Variants in UBAC2 observed in about 807,000 individuals in gnomAD.
UBAC2 encodes the protein ubiquitin-associated domain-containing protein 2.
A neutral mutation model predicts 44.0 loss-of-function variants in UBAC2; 26 were observed. The ratio of observed to expected loss-of-function variants is 0.59; its 90% confidence interval spans 0.43 to 0.82. The LOEUF is 0.82. UBAC2 is among the 40% of genes least tolerant of loss of function. UBAC2 has a pLI of 0.00. For missense variants in UBAC2, 329 were observed against 419.4 expected (o/e 0.78, Z 1.88); for synonymous variants, 155 against 154.3 (o/e 1.00, Z -0.04).
At chr13:99,359,534 T>C (rs532007560) in intron 7 of UBAC2, among the ~76,000 whole-genome samples, 3 of 152,310 alleles carry the variant, frequency 2.0e-5, no homozygotes, top group Admixed American at 2.0e-4. Flanking sequence ...AAGTATTTCC[T>C]TATGGCCTGG....
intron 4 of UBAC2, chr13:99,254,848 A>G (rs1346177043): frequency 1.3e-6 from 2 of 1,560,694 alleles, no homozygotes; most frequent in South Asian, 2.4e-5. Context: ...GTGAATTTTG[A>G]TGGGATTGAA....
intron 1 of UBAC2, among the ~76,000 whole-genome samples, chr13:99,208,530 A>T (rs976152531): frequency 6.6e-6 from 1 of 152,238 alleles, no homozygotes; most frequent in African/African-American, 2.4e-5. Flanking sequence ...CCATTTAAAA[A>T]TTAAAAGTGT....
At chr13:99,209,168 G>A (rs189504781) in intron 1 of UBAC2, among the ~76,000 whole-genome samples, 3 of 152,290 alleles carry the variant, frequency 2.0e-5, no homozygotes, top group African/African-American at 7.2e-5. Flanking sequence ...TACCCTTGCT[G>A]GTCACAGATT....
intron 4 of UBAC2, among the ~76,000 whole-genome samples, chr13:99,257,953 TA>T (rs1288078287): frequency 2.6e-5 from 4 of 152,234 alleles, no homozygotes; most frequent in Admixed American, 6.5e-5. Flanking sequence ...TAATTAAATA[TA>T]TTTTTTTAAT....
At chr13:99,378,268 T>C (rs2045507510) in intron 8 of UBAC2, among the ~76,000 whole-genome samples, 2 of 152,240 alleles carry the variant, frequency 1.3e-5, no homozygotes, top group South Asian at 2.1e-4. Context: ...GGCTCATGCC[T>C]GTAATTCCAG....
At chr13:99,312,059 C>G (rs866873874) in intron 4 of UBAC2, among the ~76,000 whole-genome samples, 1 of 152,230 alleles carries the variant, frequency 6.6e-6, no homozygotes, top group Non-Finnish European at 1.5e-5. Flanking sequence ...CTAGCATTTG[C>G]TGCGTTTGTG....
At chr13:99,317,068 T>G (rs2044502105) in intron 5 of UBAC2, among the ~76,000 whole-genome samples, 1 of 152,256 alleles carries the variant, frequency 6.6e-6, no homozygotes, top group Non-Finnish European at 1.5e-5. Flanking sequence ...TGCTCATTTC[T>G]AACTGAGCCT....
chr13:99,330,351 C>T (rs1594134007), intron 6 of UBAC2, among the ~76,000 whole-genome samples: 1 of 146,626 alleles, frequency 6.8e-6, no homozygotes, highest in African/African-American at 2.5e-5. Context: ...CCCAGCTATT[C>T]AGGAGGCTGA....
At position 99,255,511 on chromosome 13, in the gene UBAC2, A is replaced by G. The variant is rs2043535491; in HGVS notation, c.389+10887A>G. The G allele has an allele frequency of 5.6e-6, 9 of 1,614,012 alleles. No individual in the cohort carries two copies. In the South Asian group the frequency reaches 7.7e-5, roughly 14 times the overall value. ...GGCGTACTTCGGCTGTACAATGGCC[A>G]TGTATCTGTCAGCACTAATAAAGGC... On this transcript the variant is annotated intron_variant, in intron 4 of 8. Transcript: ENST00000403766.
intron 1 of UBAC2, among the ~76,000 whole-genome samples, chr13:99,219,663 G>C (rs1310325064): frequency 6.6e-6 from 1 of 152,132 alleles, no homozygotes; most frequent in Non-Finnish European, 1.5e-5. Flanking sequence ...TTCTTTTCCA[G>C]TGTGGCCCAG....
At chr13:99,311,904 C>T (rs2044415632) in intron 4 of UBAC2, among the ~76,000 whole-genome samples, 1 of 152,184 alleles carries the variant, frequency 6.6e-6, no homozygotes, top group Non-Finnish European at 1.5e-5. Flanking sequence ...GGGTAGGAAC[C>T]CGCTGTGCCG....
intron 7 of UBAC2, among the ~76,000 whole-genome samples, chr13:99,346,868 G>GA (rs1320034252): frequency 6.6e-6 from 1 of 152,160 alleles, no homozygotes; most frequent in Admixed American, 6.5e-5. Context: ...TCCAGTGTGT[G>GA]AATAATGCCT....
intron 4 of UBAC2, among the ~76,000 whole-genome samples, chr13:99,245,729 G>A (rs2142743801): frequency 6.6e-6 from 1 of 152,312 alleles, no homozygotes; most frequent in East Asian, 1.9e-4. Flanking sequence ...CAGCTGCTCA[G>A]GAGGCTGAGG....
intron 4 of UBAC2, among the ~76,000 whole-genome samples, chr13:99,303,101 G>A (rs866944043): frequency 6.6e-6 from 1 of 152,208 alleles, no homozygotes. Context: ...TCTGTGACCA[G>A]CCTGCCAACC....
intron 8 of UBAC2, among the ~76,000 whole-genome samples, chr13:99,383,847 G>A (rs987117168): frequency 1.3e-5 from 2 of 152,356 alleles, no homozygotes; most frequent in South Asian, 2.1e-4. Context: ...GGGGGAGGAG[G>A]GTCTGGGTGT....
chr13:99,300,235 T>G (rs908101556), intron 4 of UBAC2, among the ~76,000 whole-genome samples: 2 of 152,194 alleles, frequency 1.3e-5, no homozygotes, highest in African/African-American at 4.8e-5. Context: ...CTGACGACCG[T>G]TGTGCACTGG....
At chr13:99,368,206 G>A (rs547252182) in intron 8 of UBAC2, among the ~76,000 whole-genome samples, 10 of 152,266 alleles carry the variant, frequency 6.6e-5, no homozygotes, top group South Asian at 4.1e-4. Context: ...GTGAAGGATC[G>A]GGGACAAGGA....
chr13:99,211,227 C>T lies in UBAC2; in HGVS notation c.31+10288C>T, dbSNP rs924805753. Among the ~76,000 whole-genome samples, 11 of 152,222 alleles carry T rather than the reference C, an allele frequency of 7.2e-5. No homozygotes were observed. The East Asian group carries it at 2.1e-3, about 29-fold the overall frequency. On this transcript the variant is annotated intron_variant, in intron 1 of 8. Transcript: ENST00000403766. ...TTATTTTTCCCCTCCACAAACGAGT[C>T]TTTTCACGCTCAGAAAATGATTTGT...
At chr13:99,330,458 C>CAAA (rs59409181) in intron 6 of UBAC2, among the ~76,000 whole-genome samples, 694 of 46,004 alleles carry the variant, frequency 0.015, 60 homozygotes, top group Non-Finnish European at 0.02. Flanking sequence ...GACGTCATCT[C>CAAA]AAAAAAAAAA....
Sources: allele counts gnomAD v4.1 joint callset (sites outside exome capture counted in the v4.1 genomes callset), GRCh38; gene constraint gnomAD v4.1.1; transcripts MANE v1.5; gene names NCBI Gene and HGNC (gene_info 2026-07-23, HGNC 2026-07-21).